The following PRPSAP1 variants were observed in gnomAD, a reference collection of about 807,000 sequenced individuals.
PRPSAP1 encodes the protein phosphoribosyl pyrophosphate synthetase associated protein 1, also known as phosphoribosyl pyrophosphate synthase-associated protein 1.
In PRPSAP1, 31 loss-of-function variants were observed where a neutral mutation model predicts 39.4. The ratio of observed to expected loss-of-function variants is 0.79; its 90% CI spans 0.59 to 1.06. The LOEUF is 1.06. Among genes scored for constraint, PRPSAP1 ranks in the 50% least tolerant of loss-of-function variants. The probability of loss-of-function intolerance (pLI) is 0.00; values close to 1 mark genes in which losing one functional copy is unlikely to be tolerated. For synonymous variants in PRPSAP1, 212 were observed against 192.6 expected (o/e 1.10, Z -0.83); for missense variants, 430 against 511.6 (o/e 0.84, Z 1.54).
At chr17:76,341,141 A>G (rs1231193900) in intron 3 of PRPSAP1, among the ~76,000 whole-genome samples, 1 of 152,218 alleles carries the variant, frequency 6.6e-6, no homozygotes, top group Non-Finnish European at 1.5e-5. Context: ...ATCATGCACC[A>G]ACTCAGTTCA....
At chr17:76,345,609 GAA>G (rs60667192) in intron 2 of PRPSAP1, among the ~76,000 whole-genome samples, 22 of 99,578 alleles carry the variant, frequency 2.2e-4, no homozygotes, top group South Asian at 6.6e-4. Flanking sequence ...CTTGTCTGGA[GAA>G]AAAAAAAAAA....
chr17:76,330,289 A>G (rs1402416964), intron 5 of PRPSAP1, 191 bp from the exon 6 acceptor site: 4 of 592,838 alleles, frequency 6.7e-6, no homozygotes, highest in Non-Finnish European at 8.7e-6. Flanking sequence ...TACGTCAAGA[A>G]TTTTTTAAAA....
intron 7 of PRPSAP1, among the ~76,000 whole-genome samples, chr17:76,325,952 G>A (rs1344466375): frequency 1.3e-5 from 2 of 152,016 alleles, no homozygotes; most frequent in African/African-American, 2.4e-5. Context: ...ATTAAGGTAC[G>A]TACATTGGTT....
At chr17:76,348,644 C>T in intron 1 of PRPSAP1, 63 bp from the exon 2 acceptor site, 1 of 1,184,220 alleles carries the variant, frequency 8.4e-7, no homozygotes, top group Non-Finnish European at 1.2e-6. Flanking sequence ...AATTCCAGTT[C>T]ATATGCATAT....
At chr17:76,342,438 G>C (rs2071449738) in intron 3 of PRPSAP1, among the ~76,000 whole-genome samples, 1 of 152,200 alleles carries the variant, frequency 6.6e-6, no homozygotes, top group South Asian at 2.1e-4. Context: ...TCAAGGCCGG[G>C]TGTGGTGGTT....
At chr17:76,325,411 CAAAAAAA>C (rs761293363) in intron 7 of PRPSAP1, among the ~76,000 whole-genome samples, 167 of 18,864 alleles carry the variant, frequency 8.9e-3, no homozygotes, top group Non-Finnish European at 0.012. Flanking sequence ...GACTCAGTCT[CAAAAAAA>C]AAAAAAAAAA....
chr17:76,347,019 G>A (rs943148319), intron 2 of PRPSAP1, among the ~76,000 whole-genome samples: 9 of 152,022 alleles, frequency 5.9e-5, no homozygotes, highest in African/African-American at 1.7e-4. Flanking sequence ...CAAACCCTCC[G>A]GGCCCAATAT....
At chr17:76,328,886 G>A in intron 6 of PRPSAP1, 24 bp from the exon 7 acceptor site, 1 of 1,586,594 alleles carries the variant, frequency 6.3e-7, no homozygotes, top group Non-Finnish European at 8.6e-7. Flanking sequence ...GGGAAATGGT[G>A]AAACTGACAG....
intron 3 of PRPSAP1, among the ~76,000 whole-genome samples, chr17:76,339,402 C>G (rs532515273): frequency 2.0e-5 from 3 of 151,788 alleles, no homozygotes; most frequent in African/African-American, 4.9e-5. Flanking sequence ...AAGCCTCCGT[C>G]TCAAAAAAAC....
upstream of PRPSAP1, chr17:76,353,993 G>A (rs555410020): frequency 9.6e-6 from 12 of 1,252,498 alleles, no homozygotes; most frequent in Middle Eastern, 3.1e-4. Context: ...ATGAGGGCAG[G>A]GAGCCTGGCG....
chr17:76,353,403 C>T, intron 1 of PRPSAP1, 131 bp downstream of exon 1: 1 of 939,388 alleles, frequency 1.1e-6, no homozygotes, highest in Non-Finnish European at 1.5e-6. Flanking sequence ...AAGCTTTGTC[C>T]GGCTGGGAAG....
chr17:76,327,956 G>A (rs1402267565), intron 7 of PRPSAP1, among the ~76,000 whole-genome samples: 3 of 152,054 alleles, frequency 2.0e-5, no homozygotes, highest in African/African-American at 7.2e-5. Context: ...GACCATGACA[G>A]GAGGATTGTT....
intron 2 of PRPSAP1, among the ~76,000 whole-genome samples, chr17:76,345,496 A>C (rs1355928143): frequency 1.3e-5 from 2 of 151,358 alleles, no homozygotes; most frequent in African/African-American, 4.9e-5. Flanking sequence ...CATGGTGACA[A>C]GTGCCTGTAG....
At chr17:76,320,082 C>T (rs1482777087) in intron 7 of PRPSAP1, among the ~76,000 whole-genome samples, 1 of 151,790 alleles carries the variant, frequency 6.6e-6, no homozygotes, top group Non-Finnish European at 1.5e-5. Flanking sequence ...CCAGTCTGGC[C>T]AACATGGCGA....
chr17:76,345,609 G>GAAA (rs60667192), intron 2 of PRPSAP1, among the ~76,000 whole-genome samples: 1 of 99,576 alleles, frequency 1.0e-5, no homozygotes, highest in Non-Finnish European at 2.2e-5. Context: ...CTTGTCTGGA[G>GAAA]AAAAAAAAAA....
chr17:76,344,674 G>C lies in PRPSAP1; in HGVS notation c.287C>G (p.Pro96Arg). The change falls in exon 3 of 10, where the codon CCC becomes CGC. Residue 96 changes from proline to arginine, a missense_variant. Pro to Arg is a moderately radical substitution (Grantham distance 103). This residue lies in a region of PRPSAP1 where 152 missense variants were observed against 135.2 expected (regional missense o/e 1.12). Coordinates refer to ENST00000446526, the MANE Select transcript of PRPSAP1 (RefSeq NM_002766.3). Reference sequence around the variant, plus strand: ...ATAAAGTAGTCAGTCCTCTTACCTGGGTATTGTCTGTATAATGAAAATATC... The same window carrying C: ...ATAAAGTAGTCAGTCCTCTTACCTGCGTATTGTCTGTATAATGAAAATATC... ...GQDIFIIQTI[P>R]RDVNTAVMEL... 6.4e-7 allele frequency: 1 copy of C among 1,562,542 alleles called. No individual in the cohort carries two copies. The highest frequency in any genetic ancestry group is 1.2e-5 in the South Asian group (1 of 86,830).
intron 3 of PRPSAP1, among the ~76,000 whole-genome samples, chr17:76,340,256 G>C (rs2071421628): frequency 6.6e-6 from 1 of 151,740 alleles, no homozygotes; most frequent in East Asian, 1.9e-4. Context: ...AAAGTACTAG[G>C]ATTAAAGGCA....
chr17:76,331,742 A>G (rs2071324136), intron 4 of PRPSAP1, among the ~76,000 whole-genome samples: 1 of 152,150 alleles, frequency 6.6e-6, no homozygotes, highest in African/African-American at 2.4e-5. Flanking sequence ...TAGAACAGAC[A>G]TCAGATGAAT....
intron 7 of PRPSAP1, among the ~76,000 whole-genome samples, chr17:76,317,020 C>T (rs1160099401): frequency 6.6e-6 from 1 of 152,240 alleles, no homozygotes; most frequent in African/African-American, 2.4e-5. Flanking sequence ...TGACCTTTGT[C>T]TATTTCTAGT....
Sources: allele counts gnomAD v4.1 joint callset (sites outside exome capture counted in the v4.1 genomes callset), GRCh38; gene constraint gnomAD v4.1.1; regional missense constraint gnomAD v4.1.1; transcripts MANE v1.5; gene names NCBI Gene and HGNC (gene_info 2026-07-23, HGNC 2026-07-21).